Variants in TCEANC2 observed in about 807,000 individuals in gnomAD.
The protein encoded by TCEANC2 is transcription elongation factor A N-terminal and central domain containing 2, also known as transcription elongation factor A N-terminal and central domain-containing protein 2.
In TCEANC2, 20 loss-of-function variants were observed where a neutral mutation model predicts 22.8. The ratio of observed to expected loss-of-function variants is 0.88; its 90% confidence interval spans 0.62 to 1.28. The LOEUF (loss-of-function observed/expected upper bound fraction) is 1.28. TCEANC2 is among the 50% of genes most tolerant of loss of function. The probability of loss-of-function intolerance (pLI) is 0.00; values close to 1 mark genes in which losing one functional copy is unlikely to be tolerated. For synonymous variants in TCEANC2, 84 were observed against 95.5 expected (o/e 0.88, Z 0.70); for missense variants, 251 against 249.7 (o/e 1.01, Z -0.03).
rs1254896526 is a variant in TCEANC2, at chr1:54,068,879, T to C, written c.226T>C (p.Leu76=). The change falls in exon 3 of 5, where the codon TTA becomes CTA. Residue 76 remains leucine (L), a synonymous_variant. Coordinates refer to ENST00000234827, the MANE Select transcript of TCEANC2 (RefSeq NM_153035.3). ...GAAGAAAATACCCTCCAGGGAAGTG[T>C]TAAAATCAACAAGGATAGGTATATT... ...LKKKIPSREV[L]KSTRIGHTVN... is the part of the protein sequence containing the mutation. The C allele has an allele frequency of 6.3e-7, 1 of 1,597,252 alleles. No homozygotes were observed. Among genetic ancestry groups the C allele is most frequent in the Admixed American group, 1.8e-5 (1 of 55,606 alleles).
rs1244967892 is a variant in TCEANC2, at chr1:54,098,910, C to T, written c.*2437C>T. 1 of 152,208 alleles carries T rather than the reference C, an allele frequency of 6.6e-6. No homozygotes were observed. Among genetic ancestry groups the T allele is most frequent in the African/African-American group, 2.4e-5 (1 of 41,420 alleles). The allele number at this position is 152,208 out of a possible 1,614,324, so 9.4% of individuals were successfully genotyped here. A position where few individuals can be genotyped will look rare whatever the true frequency, so the allele number is the denominator to read the frequency against. On this transcript the variant is annotated 3_prime_UTR_variant, in exon 5 of 5. Coordinates refer to ENST00000234827, the MANE Select transcript of TCEANC2 (RefSeq NM_153035.3). ...GCAGAGCAAGCAGAGTATGGAAAAA[C>T]CCAGAAGTGGAGATATCTGGAAGGT...
chr1:54,089,803 A>G, intron 4 of TCEANC2: 2 of 387,280 alleles, frequency 5.2e-6, no homozygotes, highest in South Asian at 6.0e-5. Flanking sequence ...ACCTGAAGTG[A>G]ATTTGCACCA....
chr1:54,057,247 G>T (rs1426145519), intron 2 of TCEANC2, among the ~76,000 whole-genome samples: 1 of 143,704 alleles, frequency 7.0e-6, no homozygotes, highest in Non-Finnish European at 1.5e-5. Flanking sequence ...TTTTTTTTAG[G>T]GTCTCGCTCT....
intron 2 of TCEANC2, among the ~76,000 whole-genome samples, chr1:54,059,197 G>A (rs561628431): frequency 6.1e-5 from 9 of 146,344 alleles, no homozygotes; most frequent in African/African-American, 2.3e-4. Flanking sequence ...CTATCACCCA[G>A]GCTAGAGTGC....
intron 4 of TCEANC2, among the ~76,000 whole-genome samples, chr1:54,091,374 C>T (rs534702946): frequency 2.6e-5 from 4 of 152,190 alleles, no homozygotes; most frequent in Admixed American, 2.0e-4. Context: ...TCAAATCAGA[C>T]ATCAGATCTT....
intron 3 of TCEANC2, 45 bp downstream of exon 3, chr1:54,068,942 G>T: frequency 6.8e-7 from 1 of 1,465,720 alleles, no homozygotes; most frequent in South Asian, 1.5e-5. Flanking sequence ...CTTATATTTT[G>T]TCTCCCTTCT....
chr1:54,110,837 C>T (rs138533428), downstream of TCEANC2, among the ~76,000 whole-genome samples: 54 of 152,250 alleles, frequency 3.5e-4, no homozygotes, highest in East Asian at 9.7e-3. Context: ...CTTCCCTCTG[C>T]CCAGCATGCC....
At chr1:54,067,292 G>A (rs1034295020) in intron 2 of TCEANC2, among the ~76,000 whole-genome samples, 1 of 152,150 alleles carries the variant, frequency 6.6e-6, no homozygotes, top group African/African-American at 2.4e-5. Flanking sequence ...AAGATACTTG[G>A]AAGGACACTG....
intron 4 of TCEANC2, among the ~76,000 whole-genome samples, chr1:54,095,908 G>T (rs188142433): frequency 6.6e-6 from 1 of 152,132 alleles, no homozygotes; most frequent in East Asian, 1.9e-4. Context: ...CTAAAATGCC[G>T]TAAGGAGTTA....
rs1378851624 is a variant in TCEANC2, at chr1:54,100,904, GA to G, written c.*4434del. 2 of 149,620 alleles carry G rather than the reference GA, an allele frequency of 1.3e-5. No individual in the cohort carries two copies. The highest frequency in any genetic ancestry group is 4.9e-5 in the African/African-American group (2 of 40,932). The allele number at this position is 149,620 out of a possible 1,614,324, so 9.3% of individuals were successfully genotyped here. On this transcript the variant is annotated 3_prime_UTR_variant, in exon 5 of 5. Transcript: ENST00000234827. ...TTAAGAAAATTTTAAACATTCAAAAGAAACCCAACAATTTAAGGCAAAGGAA... is the reference window on the plus strand; with the variant it reads ...TTAAGAAAATTTTAAACATTCAAAAGAACCCAACAATTTAAGGCAAAGGAA...
At chr1:54,094,901 G>A (rs1170796466) in intron 4 of TCEANC2, among the ~76,000 whole-genome samples, 1 of 152,212 alleles carries the variant, frequency 6.6e-6, no homozygotes, top group African/African-American at 2.4e-5. Flanking sequence ...CACTTTGGGA[G>A]GCCAAGGTGG....
chr1:54,096,334 GCT>G lies in TCEANC2; in HGVS notation c.490_491del (p.Ser164ProfsTer4), dbSNP rs746923303. On this transcript the variant is annotated frameshift_variant, in exon 5 of 5. Transcript: ENST00000234827. LOFTEE classifies it high-confidence loss of function. This position sits in a 1 kb window ranked among gnomAD's most constrained non-coding sequence, Gnocchi z 4.9. ...ATTGAACGGGAAACGTTTCATCTCT[GCT>G]CCCGCCTCATTAATGGGCCGTACCG... The G allele has an allele frequency of 7.5e-6, 12 of 1,608,936 alleles. No homozygotes were observed. Among genetic ancestry groups the G allele is most frequent in the Non-Finnish European group, 1.0e-5 (12 of 1,175,672 alleles).
intron 2 of TCEANC2, among the ~76,000 whole-genome samples, chr1:54,066,971 A>C (rs1431350927): frequency 6.6e-6 from 1 of 152,198 alleles, no homozygotes. Flanking sequence ...TCCTGAACCC[A>C]TCACCCACCA....
chr1:54,096,504 A>G lies in TCEANC2; in HGVS notation c.*31A>G, dbSNP rs757130785. The G allele has an allele frequency of 2.8e-5, 44 of 1,573,482 alleles. 1 individual carries two copies. In the South Asian group the frequency reaches 4.8e-4, roughly 17 times the overall value. The stretch of plus-strand genomic sequence containing the variant: ...GGACGGTTCCAGCCCTGGGCCAGGC[A>G]GAGAGGAAAATGGGCCTGTCTCTGC... On this transcript the variant is annotated 3_prime_UTR_variant, in exon 5 of 5. Coordinates refer to ENST00000234827, the MANE Select transcript of TCEANC2 (RefSeq NM_153035.3). This position sits in a 1 kb window ranked among gnomAD's most constrained non-coding sequence, Gnocchi z 4.9.
rs1658713755 is a variant in TCEANC2, at chr1:54,104,550, C to CT, written c.*8082dup. ...GTATTCCTTTGCCCAATTTTTTTTTCTTTTTCTTTTTCAGAGGTGGAGTCT... is the reference window on the plus strand; with the variant it reads ...GTATTCCTTTGCCCAATTTTTTTTTCTTTTTTCTTTTTCAGAGGTGGAGTCT... On this transcript the variant is annotated 3_prime_UTR_variant, in exon 5 of 5. Coordinates refer to ENST00000234827, the MANE Select transcript of TCEANC2 (RefSeq NM_153035.3). 6 of 447,220 alleles carry CT rather than the reference C, an allele frequency of 1.3e-5. No homozygotes were observed. In the Admixed American group the frequency reaches 1.5e-4, roughly 11 times the overall value. The allele number at this position is 447,220 out of a possible 1,614,324, so 27.7% of individuals were successfully genotyped here.
At position 54,058,846 on chromosome 1, in the gene TCEANC2, G is replaced by A. The variant is rs191164979; in HGVS notation, c.102+4322G>A. On this transcript the variant is annotated intron_variant, in intron 2 of 4. Transcript: ENST00000234827. ...TAATTTTTGTATTTTTAGTAGAGAC[G>A]GGGTTTCACTATTTTGGCCAGGCTG... Among the ~76,000 whole-genome samples the A allele has an allele frequency of 3.3e-3, 501 of 152,172 alleles. 1 individual carries two copies. Among genetic ancestry groups the A allele is most frequent in the African/African-American group, 7.3e-3 (303 of 41,514 alleles).
chr1:54,067,786 A>G (rs1015120721), intron 2 of TCEANC2, among the ~76,000 whole-genome samples: 1 of 152,194 alleles, frequency 6.6e-6, no homozygotes. Flanking sequence ...AACTGCACAA[A>G]TTGTAAGTAT....
intron 4 of TCEANC2, among the ~76,000 whole-genome samples, chr1:54,089,043 C>G (rs1658393197): frequency 6.6e-6 from 1 of 152,182 alleles, no homozygotes; most frequent in African/African-American, 2.4e-5. Context: ...CTAGCAAGAT[C>G]TGGGTTGAAA....
intron 2 of TCEANC2, among the ~76,000 whole-genome samples, chr1:54,055,534 T>A (rs1040592111): frequency 1.3e-5 from 2 of 152,270 alleles, no homozygotes; most frequent in Admixed American, 1.3e-4. Flanking sequence ...CTCAGAGTTC[T>A]GTCACATTTT....
Sources: gnomAD v4.1 joint callset for allele counts (sites outside exome capture counted in the v4.1 genomes callset) on GRCh38, gnomAD v4.1.1 for gene constraint, Gnocchi (gnomAD v3.1) non-coding constraint, MANE v1.5 for transcripts, NCBI Gene and HGNC (gene_info 2026-07-23, HGNC 2026-07-21) for gene names.